Variants in DMXL1 observed in about 807,000 individuals in gnomAD.
DMXL1 encodes Dmx like 1, also known as dmX-like protein 1.
DMXL1 carries 99 observed loss-of-function variants against 319.2 expected under a neutral mutation model. The observed-to-expected ratio is 0.31, with a 90% CI of 0.26 to 0.37. The LOEUF (loss-of-function observed/expected upper bound fraction) is 0.37, where lower values mean the gene tolerates loss of function less well. DMXL1 is among the 10% of genes least tolerant of loss of function. DMXL1 has a pLI of 1.00. For synonymous variants in DMXL1, 1,385 were observed against 1,235.2 expected (o/e 1.12, Z -2.54); for missense variants, 3,745 against 3,595.6 (o/e 1.04, Z -1.06).
At chr5:119,192,880 T>A (rs150639446) in intron 29 of DMXL1, among the ~76,000 whole-genome samples, 60 of 152,310 alleles carry the variant, frequency 3.9e-4, no homozygotes, top group African/African-American at 1.4e-3. Context: ...TTTATGAAAT[T>A]GTATATTCAC....
chr5:119,187,383 C>G (rs1777925219), intron 28 of DMXL1, among the ~76,000 whole-genome samples: 1 of 152,146 alleles, frequency 6.6e-6, no homozygotes, highest in African/African-American at 2.4e-5. Context: ...CAAAAACAAC[C>G]AGTTGAACAC....
intron 25 of DMXL1, among the ~76,000 whole-genome samples, chr5:119,173,696 GTGTATA>G (rs759648033): frequency 3.5e-5 from 5 of 141,306 alleles, no homozygotes; most frequent in Non-Finnish European, 6.1e-5. Context: ...GTGTGTGTGT[GTGTATA>G]TATATATGTG....
intron 2 of DMXL1, among the ~76,000 whole-genome samples, chr5:119,099,992 C>T (rs572922845): frequency 2.0e-5 from 3 of 152,120 alleles, no homozygotes; most frequent in African/African-American, 7.2e-5. Flanking sequence ...CAAAGCAAGA[C>T]CCCATCTCTA....
In DMXL1 at chr5:119,194,569, T is replaced by C. The variant is rs1364439354; in HGVS notation, c.7457+599T>C. 2.0e-5 allele frequency among the ~76,000 whole-genome samples: 3 copies of C among 152,190 alleles called. 1 individual carries two copies. In the East Asian group the frequency reaches 5.8e-4, roughly 29 times the overall value. ...GGTATGTTAATGGTGTGATAAAAAATGTGAATTTTCCAAAAGAAGTAAATA... is the reference window on the plus strand; with the variant it reads ...GGTATGTTAATGGTGTGATAAAAAACGTGAATTTTCCAAAAGAAGTAAATA... On this transcript the variant is annotated intron_variant, in intron 30 of 43. Transcript: ENST00000539542.
intron 42 of DMXL1, among the ~76,000 whole-genome samples, chr5:119,242,063 T>C (rs970677920): frequency 6.6e-6 from 1 of 152,244 alleles, no homozygotes; most frequent in Non-Finnish European, 1.5e-5. Context: ...TTTTTGTAAT[T>C]TGTGTATATT....
intron 28 of DMXL1, among the ~76,000 whole-genome samples, chr5:119,181,285 A>G (rs1464922618): frequency 2.0e-5 from 3 of 152,314 alleles, no homozygotes; most frequent in East Asian, 3.9e-4. Flanking sequence ...AATAAGGAAT[A>G]CTTAAAACGT....
intron 41 of DMXL1, among the ~76,000 whole-genome samples, chr5:119,239,880 C>G (rs1224464582): frequency 6.7e-6 from 1 of 150,120 alleles, no homozygotes; most frequent in African/African-American, 2.4e-5. Flanking sequence ...TCGCTTGAAC[C>G]TGGGAGGCAG....
At chr5:119,118,793 C>G (rs1761406271) in intron 7 of DMXL1, 22 bp from the exon 8 acceptor site, 2 of 1,558,778 alleles carry the variant, frequency 1.3e-6, no homozygotes, top group Non-Finnish European at 1.7e-6. Flanking sequence ...ATTTTTGCTT[C>G]TAAAATCTTT....
intron 35 of DMXL1, among the ~76,000 whole-genome samples, chr5:119,218,487 C>T (rs1045413571): frequency 5.9e-5 from 9 of 151,736 alleles, no homozygotes; most frequent in Non-Finnish European, 8.8e-5. Flanking sequence ...GACGGAGTCT[C>T]GCTCTGTTGC....
chr5:119,228,857 T>C lies in DMXL1; in HGVS notation c.8338+4088T>C, dbSNP rs528430831. On this transcript the variant is annotated intron_variant, in intron 38 of 43. Coordinates refer to ENST00000539542, the MANE Select transcript of DMXL1 (RefSeq NM_001290321.3). ...CATCAAAGGCAAATACAGAAAGTTA[T>C]GTTGTTGTAGAAAAATCCTTAGCTA... Among the ~76,000 whole-genome samples, 5 of 152,288 alleles carry C rather than the reference T, an allele frequency of 3.3e-5. No homozygotes were observed. The South Asian group carries it at 6.2e-4, about 19-fold the overall frequency.
intron 1 of DMXL1, 117 bp from the exon 2 acceptor site, chr5:119,097,862 A>G: frequency 1.1e-6 from 1 of 934,112 alleles, no homozygotes; most frequent in Non-Finnish European, 1.5e-6. Flanking sequence ...AACACCTAAA[A>G]TTGGTCTTTT....
chr5:119,088,918 A>G (rs1399640271), intron 1 of DMXL1, among the ~76,000 whole-genome samples: 11 of 152,076 alleles, frequency 7.2e-5, no homozygotes, highest in Admixed American at 5.9e-4. Context: ...ACACACCACA[A>G]TTACAGTATT....
In DMXL1 at chr5:119,082,032, C is replaced by T. The variant is rs1288846465; in HGVS notation, c.87+10376C>T. ...ATATATATATATATACACACACACACACACACACACACACACACACACACA... is the reference window on the plus strand; with the variant it reads ...ATATATATATATATACACACACACATACACACACACACACACACACACACA... On this transcript the variant is annotated intron_variant, in intron 1 of 43. Coordinates refer to ENST00000539542, the MANE Select transcript of DMXL1 (RefSeq NM_001290321.3). Among the ~76,000 whole-genome samples the T allele has an allele frequency of 4.4e-3, 642 of 145,326 alleles. 1 individual carries two copies. Among genetic ancestry groups the T allele is most frequent in the East Asian group, 0.019 (97 of 4,992 alleles).
chr5:119,164,750 C>T, intron 20 of DMXL1, 74 bp downstream of exon 20: 1 of 1,333,580 alleles, frequency 7.5e-7, no homozygotes, highest in Non-Finnish European at 1.0e-6. Context: ...TTCATATCTT[C>T]TCTGCCATTA....
intron 29 of DMXL1, among the ~76,000 whole-genome samples, chr5:119,192,708 A>T: frequency 6.6e-6 from 1 of 152,078 alleles, no homozygotes; most frequent in Non-Finnish European, 1.5e-5. Flanking sequence ...TCTTGATGAC[A>T]ATCTCTTGTA....
rs753879017 is a variant in DMXL1, at chr5:119,170,772, A to G, written c.5981A>G (p.Asp1994Gly). Residue 1994 changes from aspartate (D) to glycine (G), a missense_variant, in exon 24 of 44, where the codon GAT (aspartate) becomes GGT (glycine). Physicochemically the swap from Asp to Gly is moderately conservative, Grantham distance 94. Transcript: ENST00000539542. ...KELKPLQRKT[D>G]KKLDDISSNY... ...CTAAAACCTTTACAGAGAAAAACAG[A>G]TAAAAAGTTGGATGACATAAGTTCT... is the stretch of plus-strand genomic sequence containing the variant. 8 of 1,612,510 alleles carry G rather than the reference A, an allele frequency of 5.0e-6. No homozygotes were observed. Among genetic ancestry groups the G allele is most frequent in the African/African-American group, 4.0e-5 (3 of 74,478 alleles).
At chr5:119,140,587 T>TA (rs1767084491) in intron 13 of DMXL1, among the ~76,000 whole-genome samples, 2 of 152,064 alleles carry the variant, frequency 1.3e-5, no homozygotes, top group Admixed American at 6.6e-5. Flanking sequence ...AACAGACTAA[T>TA]ACGAGCTCCG....
intron 24 of DMXL1, 150 bp downstream of exon 24, chr5:119,171,430 T>A: frequency 1.3e-6 from 1 of 796,046 alleles, no homozygotes; most frequent in Non-Finnish European, 1.9e-6. Flanking sequence ...TATTATGAAT[T>A]ATAGAGTTGT....
intron 19 of DMXL1, chr5:119,154,750 C>T (rs1243393526): frequency 6.5e-6 from 1 of 153,100 alleles, no homozygotes; most frequent in Non-Finnish European, 1.5e-5. Flanking sequence ...CACAAAAGGA[C>T]AGATTTTTAA....
Sources: allele counts gnomAD v4.1 joint callset (sites outside exome capture counted in the v4.1 genomes callset), GRCh38; gene constraint gnomAD v4.1.1; transcripts MANE v1.5; gene names NCBI Gene and HGNC (gene_info 2026-07-23, HGNC 2026-07-21).